The following MOB3B variants were observed in gnomAD, a reference collection of about 807,000 sequenced individuals.
The protein encoded by MOB3B is MOB kinase activator 3B.
In MOB3B, 7 loss-of-function variants were observed where a neutral mutation model predicts 18.7. The ratio of observed to expected loss-of-function variants is 0.37; its 90% CI spans 0.21 to 0.70. MOB3B has a LOEUF of 0.70. MOB3B is among the 30% of genes least tolerant of loss of function. MOB3B has a pLI of 0.52. For synonymous variants in MOB3B, 111 were observed against 99.9 expected, an observed-to-expected ratio of 1.11 and a Z score of -0.66; for missense variants, 253 against 281.3, an observed-to-expected ratio of 0.90 and a Z score of 0.72.
At chr9:27,506,748 T>G (rs1820065867) in intron 1 of MOB3B, among the ~76,000 whole-genome samples, 1 of 152,058 alleles carries the variant, frequency 6.6e-6, no homozygotes, top group African/African-American at 2.4e-5. Context: ...GCCAGGATGG[T>G]CTCGATCTCC....
chr9:27,480,254 A>T (rs951471193), intron 1 of MOB3B, among the ~76,000 whole-genome samples: 2 of 151,016 alleles, frequency 1.3e-5, no homozygotes, highest in Admixed American at 6.6e-5. Context: ...CTCCTGCCTC[A>T]GTCTCTCAAG....
chr9:27,412,341 C>T (rs1822082558), intron 2 of MOB3B, among the ~76,000 whole-genome samples: 1 of 142,982 alleles, frequency 7.0e-6, no homozygotes, highest in Admixed American at 7.6e-5. Context: ...TTAAAGATTC[C>T]TAGTAGACTT....
chr9:27,521,046 A>G (rs1168263400), intron 1 of MOB3B, among the ~76,000 whole-genome samples: 1 of 152,208 alleles, frequency 6.6e-6, no homozygotes, highest in African/African-American at 2.4e-5. Flanking sequence ...AGCATCTATT[A>G]ACGTTTACAG....
At chr9:27,490,434 C>T (rs1819798335) in intron 1 of MOB3B, among the ~76,000 whole-genome samples, 2 of 152,132 alleles carry the variant, frequency 1.3e-5, no homozygotes, top group Non-Finnish European at 2.9e-5. Context: ...TAAGAAGCAA[C>T]TAATAGTGTT....
intron 3 of MOB3B, among the ~76,000 whole-genome samples, chr9:27,331,306 C>G (rs1050244663): frequency 6.6e-6 from 1 of 152,184 alleles, no homozygotes; most frequent in African/African-American, 2.4e-5. Flanking sequence ...GCCTGCCCCT[C>G]TTCATTTGTC....
chr9:27,407,552 G>A (rs1444166652), intron 2 of MOB3B, among the ~76,000 whole-genome samples: 1 of 152,112 alleles, frequency 6.6e-6, no homozygotes, highest in Non-Finnish European at 1.5e-5. Flanking sequence ...TGGGCAGGAG[G>A]GCCCAGAGTA....
At chr9:27,490,513 T>C (rs994183079) in intron 1 of MOB3B, among the ~76,000 whole-genome samples, 1 of 152,102 alleles carries the variant, frequency 6.6e-6, no homozygotes, top group African/African-American at 2.4e-5. Context: ...TAAAGATGAA[T>C]AGGAATTTGT....
At chr9:27,435,591 A>ATTTG (rs1373621573) in intron 2 of MOB3B, among the ~76,000 whole-genome samples, 2 of 151,890 alleles carry the variant, frequency 1.3e-5, no homozygotes, top group African/African-American at 4.8e-5. Flanking sequence ...TCTTTTATTT[A>ATTTG]TTTGTTTGTT....
intron 1 of MOB3B, among the ~76,000 whole-genome samples, chr9:27,458,061 A>T (rs1819208511): frequency 6.6e-6 from 1 of 152,202 alleles, no homozygotes; most frequent in Non-Finnish European, 1.5e-5. Flanking sequence ...TAGTCCTTCT[A>T]TGTCTCAAAT....
intron 2 of MOB3B, among the ~76,000 whole-genome samples, chr9:27,412,326 A>G (rs539910610): frequency 6.7e-6 from 1 of 148,568 alleles, no homozygotes; most frequent in East Asian, 2.0e-4. Flanking sequence ...CCCCAGAGCA[A>G]TATCTTAAAG....
intron 1 of MOB3B, among the ~76,000 whole-genome samples, chr9:27,498,338 T>C (rs141177242): frequency 6.6e-6 from 1 of 152,190 alleles, no homozygotes; most frequent in African/African-American, 2.4e-5. Flanking sequence ...AGGGTGAGCA[T>C]TGTTTAATTG....
intron 1 of MOB3B, among the ~76,000 whole-genome samples, chr9:27,480,791 G>A (rs1233460470): frequency 2.0e-5 from 3 of 152,002 alleles, no homozygotes; most frequent in Non-Finnish European, 4.4e-5. Flanking sequence ...ATACTCAAAT[G>A]AGACATATAC....
chr9:27,475,164 G>T (rs1819535328), intron 1 of MOB3B, among the ~76,000 whole-genome samples: 1 of 152,160 alleles, frequency 6.6e-6, no homozygotes, highest in Admixed American at 6.5e-5. Flanking sequence ...GTGCCTTCCA[G>T]CTAAAAGCCA....
chr9:27,490,203 TCATGCCTTC>T (rs1819795120), intron 1 of MOB3B, among the ~76,000 whole-genome samples: 1 of 152,144 alleles, frequency 6.6e-6, no homozygotes, highest in Non-Finnish European at 1.5e-5. Flanking sequence ...GAACTAAGGC[TCATGCCTTC>T]AGTGAGCCAA....
intron 1 of MOB3B, among the ~76,000 whole-genome samples, chr9:27,466,116 G>A (rs912139321): frequency 1.3e-5 from 2 of 152,056 alleles, no homozygotes; most frequent in Non-Finnish European, 2.9e-5. Context: ...GAACTTTTAC[G>A]CTCTGTTTCT....
chr9:27,379,048 G>A (rs1400008878), intron 2 of MOB3B, among the ~76,000 whole-genome samples: 2 of 152,128 alleles, frequency 1.3e-5, no homozygotes, highest in Non-Finnish European at 2.9e-5. Context: ...TCCAAAATGG[G>A]ATGCATTGTC....
rs1052961281 is a variant in MOB3B at position 27,529,800 on chromosome 9, G to T, written c.-444C>A. The T allele has an allele frequency of 2.0e-6, 2 of 985,292 alleles. No homozygotes were observed. The highest frequency in any genetic ancestry group is 2.4e-6 in the Non-Finnish European group (2 of 829,932). 61.0% of individuals were successfully genotyped at this position (985,292 alleles called of 1,614,324 possible). A position where few individuals can be genotyped will look rare whatever the true frequency, so the allele number is the denominator to read the frequency against. On this transcript the variant is annotated 5_prime_UTR_variant, in exon 1 of 4. Coordinates refer to ENST00000262244, the MANE Select transcript of MOB3B (RefSeq NM_024761.5). ...CATGCACCCAGCGCGCCGCGCAGCC[G>T]GCCGGGGCTCGACTGTCTCGCGGGG...
chr9:27,520,965 C>T (rs1204484248), intron 1 of MOB3B, among the ~76,000 whole-genome samples: 1 of 152,138 alleles, frequency 6.6e-6, no homozygotes, highest in Non-Finnish European at 1.5e-5. Context: ...ACAGGCAATC[C>T]TAATGGTGGG....
intron 2 of MOB3B, among the ~76,000 whole-genome samples, chr9:27,424,429 A>C (rs1243245819): frequency 6.6e-6 from 1 of 152,244 alleles, no homozygotes; most frequent in African/African-American, 2.4e-5. Flanking sequence ...GCAGGTCCCC[A>C]GTGAGTCATT....
Sources: gnomAD v4.1 joint callset for allele counts (sites outside exome capture counted in the v4.1 genomes callset) on GRCh38, gnomAD v4.1.1 for gene constraint, MANE v1.5 for transcripts, NCBI Gene and HGNC (gene_info 2026-07-23, HGNC 2026-07-21) for gene names.